The following YIF1B variants were observed in gnomAD, a reference collection of about 807,000 sequenced individuals.
YIF1B encodes the protein Yip1 interacting factor homolog B, membrane trafficking protein.
YIF1B carries 24 observed loss-of-function variants against 34.6 expected under a neutral mutation model. That is an observed-to-expected ratio of 0.69 (90% CI 0.50 to 0.98). The LOEUF (loss-of-function observed/expected upper bound fraction) is 0.98, where lower values mean the gene tolerates loss of function less well. Among genes scored for constraint, YIF1B ranks in the 50% least tolerant of loss-of-function variants. The pLI is 0.00. For synonymous variants in YIF1B, 186 were observed against 184.8 expected (o/e 1.01, Z -0.05); for missense variants, 368 against 429.4 (o/e 0.86, Z 1.26).
In YIF1B at chr19:38,309,435, G is replaced by A. The variant is rs577286942; in HGVS notation, c.267C>T (p.Ala89=). The A allele has an allele frequency of 1.7e-5, 27 of 1,613,632 alleles. No homozygotes were observed. Among genetic ancestry groups the A allele is most frequent in the Admixed American group, 5.0e-5 (3 of 59,994 alleles). ...TATCCACCAGCTCCTTGCCCTGCGC[G>A]GCCAGGCTGCTCCCATAGGCCATGG... ...NMAMAYGSSL[A]AQGKELVDKN... The change falls in exon 2 of 8, where the codon GCC becomes GCT. Residue 89 remains alanine, a synonymous_variant. Coordinates refer to ENST00000339413, the MANE Select transcript of YIF1B (RefSeq NM_001039672.3).
At chr19:38,305,600 G>C in intron 7 of YIF1B, 93 bp from the exon 8 acceptor site, 1 of 1,451,278 alleles carries the variant, frequency 6.9e-7, no homozygotes, top group East Asian at 2.5e-5. Flanking sequence ...CCTCTGCCTA[G>C]AAGCCCCAGG....
intron 5 of YIF1B, among the ~76,000 whole-genome samples, chr19:38,308,147 C>T (rs1204110686): frequency 2.0e-5 from 3 of 152,314 alleles, no homozygotes; most frequent in African/African-American, 7.2e-5. Context: ...AGGAAAAGAA[C>T]AGGGCGATGT....
chr19:38,310,533 TATC>T (rs1336280188), intron 1 of YIF1B, among the ~76,000 whole-genome samples: 21 of 151,868 alleles, frequency 1.4e-4, no homozygotes, highest in Non-Finnish European at 3.1e-4. Flanking sequence ...CCCATCCACT[TATC>T]ATCCATCCAT....
rs1348827818 is a variant in YIF1B at position 38,315,921 on chromosome 19, T to G, written c.-4A>C. 5 of 1,457,936 alleles carry G rather than the reference T, an allele frequency of 3.4e-6. No individual in the cohort carries two copies. Among genetic ancestry groups the G allele is most frequent in the Non-Finnish European group, 4.5e-6 (5 of 1,113,094 alleles). 90.3% of individuals were successfully genotyped at this position (1,457,936 alleles called of 1,614,324 possible). A position where few individuals can be genotyped will look rare whatever the true frequency, so the allele number is the denominator to read the frequency against. ...CCGCCAAGCCTGCCGGGTGCATCCT[T>G]CGCCGCCGCCACCTAAGCCGCGGTT... On this transcript the variant is annotated 5_prime_UTR_variant, in exon 1 of 8. Transcript: ENST00000339413.
At chr19:38,317,966 C>T (rs985694656), upstream of YIF1B, among the ~76,000 whole-genome samples, 6 of 151,226 alleles carry the variant, frequency 4.0e-5, no homozygotes, top group Admixed American at 1.3e-4. Flanking sequence ...GAGGCCAAGG[C>T]GGGCAGATCA....
At chr19:38,313,572 T>C (rs1009525983) in intron 1 of YIF1B, among the ~76,000 whole-genome samples, 1 of 152,208 alleles carries the variant, frequency 6.6e-6, no homozygotes, top group African/African-American at 2.4e-5. Context: ...AGTGATCTTT[T>C]TAAATACAAA....
At chr19:38,319,940 C>G, upstream of YIF1B, 1 of 1,420,790 alleles carries the variant, frequency 7.0e-7, no homozygotes, top group East Asian at 2.9e-5. Context: ...CGCGGGGTCC[C>G]GGTGGGTGCC....
At chr19:38,305,743 A>G (rs74619703) in intron 7 of YIF1B, among the ~76,000 whole-genome samples, 26,933 of 152,170 alleles carry the variant, frequency 0.18, 2,675 homozygotes, top group South Asian at 0.31. Flanking sequence ...AGAAGGTTCC[A>G]TACTCAAATG....
intron 1 of YIF1B, among the ~76,000 whole-genome samples, chr19:38,313,412 C>A (rs1274854168): frequency 6.6e-6 from 1 of 152,076 alleles, no homozygotes; most frequent in African/African-American, 2.4e-5. Context: ...ACGCCCACCA[C>A]CACGCCCGGC....
At chr19:38,307,963 T>C (rs569009050) in intron 5 of YIF1B, among the ~76,000 whole-genome samples, 22 of 151,820 alleles carry the variant, frequency 1.4e-4, no homozygotes, top group Non-Finnish European at 2.1e-4. Context: ...AGGGCTGGAG[T>C]CACAGGGGGC....
chr19:38,314,329 G>A (rs886977672), intron 1 of YIF1B, among the ~76,000 whole-genome samples: 4 of 151,658 alleles, frequency 2.6e-5, no homozygotes, highest in Non-Finnish European at 5.9e-5. Context: ...TGAGTAGCTG[G>A]GACTACAGGC....
At chr19:38,320,355 C>G, upstream of YIF1B, 2 of 1,418,884 alleles carry the variant, frequency 1.4e-6, no homozygotes, top group South Asian at 1.2e-5. Context: ...GGGGCCCTCA[C>G]GAATACCCTT....
At chr19:38,320,536 G>C (rs1424423873), upstream of YIF1B, among the ~76,000 whole-genome samples, 2 of 151,116 alleles carry the variant, frequency 1.3e-5, no homozygotes, top group Non-Finnish European at 3.0e-5. Context: ...CTGGGACCCC[G>C]TTCCTCGGTC....
Position 38,307,520 on chromosome 19 carries a change from T to C in YIF1B, c.697A>G (p.Met233Val), listed in dbSNP as rs758096262. Reference protein sequence around the residue: ...VAFLGYKYVGMIGGVLMGLLF... With the variant: ...VAFLGYKYVGVIGGVLMGLLF... ...AGGCCCATGAGGACCCCGCCAATCA[T>C]CCTGGGGGAGGGAGAGGAGGCTGTG... The change falls in exon 7 of 8, where the codon ATG (methionine) becomes GTG (valine). Residue 233 changes from methionine (M) to valine (V), a missense_variant and splice_region_variant. By Grantham distance (21) the Met-to-Val change is conservative. Around this residue, in one of 3 missense-constraint regions of YIF1B, gnomAD observed 208 missense variants for 247.8 expected, o/e 0.84. Transcript: ENST00000339413. 6.2e-7 allele frequency: 1 copy of C among 1,613,592 alleles called. No homozygotes were observed. The highest frequency in any genetic ancestry group is 1.1e-5 in the South Asian group (1 of 91,060).
chr19:38,318,683 T>C (rs910878312), upstream of YIF1B, among the ~76,000 whole-genome samples: 9 of 152,202 alleles, frequency 5.9e-5, no homozygotes, highest in African/African-American at 1.9e-4. Context: ...TGCTTCTGGA[T>C]TGTCAACCCC....
At chr19:38,318,709 C>T (rs569794112), upstream of YIF1B, among the ~76,000 whole-genome samples, 3 of 152,240 alleles carry the variant, frequency 2.0e-5, no homozygotes, top group South Asian at 2.1e-4. Flanking sequence ...GGGCTCTGCC[C>T]GGTGATCTGC....
upstream of YIF1B, chr19:38,319,956 G>T: frequency 6.9e-7 from 1 of 1,450,744 alleles, no homozygotes; most frequent in South Asian, 1.4e-5. Flanking sequence ...GTGCCATGCG[G>T]AGGGGCGCGC....
chr19:38,319,941 G>C (rs1469721264), upstream of YIF1B: 2 of 1,425,696 alleles, frequency 1.4e-6, no homozygotes, highest in Non-Finnish European at 9.1e-7. Flanking sequence ...GCGGGGTCCC[G>C]GTGGGTGCCA....
At chr19:38,321,458 C>T (rs1209235135), upstream of YIF1B, among the ~76,000 whole-genome samples, 6 of 152,256 alleles carry the variant, frequency 3.9e-5, no homozygotes, top group Admixed American at 2.0e-4. Flanking sequence ...CCCAATTCAG[C>T]AGCCCCAGCT....
Sources: allele counts gnomAD v4.1 joint callset (sites outside exome capture counted in the v4.1 genomes callset), GRCh38; gene constraint gnomAD v4.1.1; regional missense constraint gnomAD v4.1.1; transcripts MANE v1.5; gene names NCBI Gene and HGNC (gene_info 2026-07-23, HGNC 2026-07-21).